THOP1: variants seen among roughly 807,000 people sequenced by gnomAD.
The protein encoded by THOP1 is thimet oligopeptidase 1, also known as thimet oligopeptidase.
In THOP1, 49 loss-of-function variants were observed where a neutral mutation model predicts 71.8. The observed-to-expected ratio is 0.68, with a 90% CI of 0.54 to 0.87. The LOEUF (loss-of-function observed/expected upper bound fraction) is 0.87, where lower values mean the gene tolerates loss of function less well. Among genes scored for constraint, THOP1 ranks in the 40% least tolerant of loss-of-function variants. The pLI, the probability that THOP1 is intolerant of heterozygous loss-of-function variation, is 0.00. For synonymous variants in THOP1, 426 were observed against 421.5 expected (o/e 1.01, Z -0.13); for missense variants, 843 against 975.6 (o/e 0.86, Z 1.81).
chr19:2,798,429 G>A, intron 4 of THOP1, among the ~76,000 whole-genome samples: 1 of 152,220 alleles, frequency 6.6e-6, no homozygotes, highest in Non-Finnish European at 1.5e-5. Flanking sequence ...CAAGCAAGGA[G>A]GGAGCAGAGG....
At chr19:2,786,665 C>T (rs1568317089) in intron 1 of THOP1, among the ~76,000 whole-genome samples, 1 of 152,040 alleles carries the variant, frequency 6.6e-6, no homozygotes, top group Non-Finnish European at 1.5e-5. Context: ...AATCTCTGCT[C>T]ACACAGGCTC....
chr19:2,808,231 C>A lies in THOP1; in HGVS notation c.1254-12C>A. ...TAGTCCCTGCGGGGCCTGACGCTGC[C>A]TCCCTCCCCAGGGAAGGAAAGTACG... On this transcript the variant is annotated splice_polypyrimidine_tract_variant and intron_variant, in intron 8 of 12. Transcript: ENST00000307741. The A allele has an allele frequency of 6.5e-7, 1 of 1,545,800 alleles. No homozygotes were observed. The highest frequency in any genetic ancestry group is 8.7e-7 in the Non-Finnish European group (1 of 1,143,562).
chr19:2,812,339 G>T (rs763192601), intron 12 of THOP1: 2 of 1,533,678 alleles, frequency 1.3e-6, no homozygotes, highest in Non-Finnish European at 1.7e-6. Flanking sequence ...GCCCTGCCCT[G>T]CCTGGGTGCA....
Position 2,795,932 on chromosome 19 carries a change from G to C in THOP1, c.379-149G>C, listed in dbSNP as rs557397787. The C allele has an allele frequency of 6.7e-4, 404 of 601,762 alleles. 2 individuals carry two copies. The highest frequency in any genetic ancestry group is 6.6e-3 in the South Asian group (349 of 52,634). 37.3% of individuals were successfully genotyped at this position (601,762 alleles called of 1,614,324 possible). On this transcript the variant is annotated intron_variant, in intron 3 of 12. Transcript: ENST00000307741. The stretch of plus-strand genomic sequence containing the variant: ...TTTGCACAGGTTTTATGTAGAGACA[G>C]GTCGTCATTTCTCTGAGATAAATGC...
Position 2,786,765 on chromosome 19 carries a change from A to ATTTTTTTTTTTTTTTTT in THOP1, c.16+1102_16+1103insTTTTTTTTTTTTTTTTT, listed in dbSNP as rs550767741. 2.9e-4 allele frequency among the ~76,000 whole-genome samples: 29 copies of ATTTTTTTTTTTTTTTTT among 101,184 alleles called. 4 individuals are homozygous for ATTTTTTTTTTTTTTTTT. The highest frequency in any genetic ancestry group is 9.9e-4 in the African/African-American group (19 of 19,154). 66.4% of individuals were successfully genotyped at this position (101,184 alleles called of 152,430 possible). ...AGGCGCCCACCACCACACCTGGCTA[A>ATTTTTTTTTTTTTTTTT]TTTTTTTTTTTTTTTGGAGATAGAG... On this transcript the variant is annotated intron_variant, in intron 1 of 12. Transcript: ENST00000307741.
intron 9 of THOP1, chr19:2,810,000 C>G (rs1916414558): frequency 4.4e-6 from 2 of 454,168 alleles, no homozygotes; most frequent in Non-Finnish European, 7.9e-6. Context: ...CAGGTCCCAA[C>G]CCCTCGGGGT....
chr19:2,808,406 C>T lies in THOP1; in HGVS notation c.1417C>T (p.His473Tyr), dbSNP rs145132932. ...LQHDEVETYF[H>Y]EFGHVMHQLC... ...GCATGACGAGGTGGAGACCTACTTC[C>T]ATGAGTTTGGCCACGTGATGCACCA... The change falls in exon 9 of 13, where the codon CAT (histidine) becomes TAT (tyrosine). Residue 473 changes from histidine to tyrosine, a missense_variant. Transcript: ENST00000307741. The T allele has an allele frequency of 6.2e-7, 1 of 1,610,274 alleles. No homozygotes were observed. The highest frequency in any genetic ancestry group is 1.1e-5 in the South Asian group (1 of 90,952).
intron 4 of THOP1, 130 bp downstream of exon 4, chr19:2,796,318 G>GGGGAGTGCTCGGCTCA (rs1916012805): frequency 2.8e-6 from 2 of 710,112 alleles, no homozygotes; most frequent in East Asian, 5.6e-5. Context: ...TGCTGGGCTC[G>GGGGAGTGCTCGGCTCA]GGGAGTGCTC....
At chr19:2,795,878 G>C (rs957616539) in intron 3 of THOP1, 12 of 493,992 alleles carry the variant, frequency 2.4e-5, no homozygotes, top group South Asian at 1.6e-4. Flanking sequence ...ACTGATGTCA[G>C]TGTGGGGCTC....
At chr19:2,787,276 C>T (rs1418644165) in intron 1 of THOP1, among the ~76,000 whole-genome samples, 1 of 152,178 alleles carries the variant, frequency 6.6e-6, no homozygotes, top group African/African-American at 2.4e-5. Context: ...CAGCCACACT[C>T]CCCCAGCTCT....
chr19:2,795,299 T>G (rs1429154759), intron 3 of THOP1, among the ~76,000 whole-genome samples: 1 of 152,242 alleles, frequency 6.6e-6, no homozygotes, highest in African/African-American at 2.4e-5. Flanking sequence ...GCCATCCTAG[T>G]GTGACCCAAA....
chr19:2,791,025 C>T (rs1427387401), intron 2 of THOP1, among the ~76,000 whole-genome samples: 2 of 152,236 alleles, frequency 1.3e-5, no homozygotes, highest in Non-Finnish European at 2.9e-5. Context: ...CCCCGTCTGG[C>T]CTCTTTCCCT....
rs770937761 is a variant in THOP1, at chr19:2,785,660, G to T, written c.-3G>T. On this transcript the variant is annotated 5_prime_UTR_variant, in exon 1 of 13. Transcript: ENST00000307741. ...GGGAGCCGCAGGCGCAGACCCACCC[G>T]CCATGAAGCCCCCCGCAGGTACCGA... 1.7e-5 allele frequency: 26 copies of T among 1,495,136 alleles called. No individual in the cohort carries two copies. Among genetic ancestry groups the T allele is most frequent in the Non-Finnish European group, 2.3e-5 (26 of 1,120,216 alleles). 92.6% of individuals were successfully genotyped at this position (1,495,136 alleles called of 1,614,324 possible).
At chr19:2,797,227 T>A (rs768898695) in intron 4 of THOP1, among the ~76,000 whole-genome samples, 4 of 151,874 alleles carry the variant, frequency 2.6e-5, no homozygotes, top group Non-Finnish European at 5.9e-5. Context: ...GGCCCTAGGG[T>A]AATGGGGGCC....
At chr19:2,810,078 T>G in intron 9 of THOP1, 1 of 570,224 alleles carries the variant, frequency 1.8e-6, no homozygotes, top group Non-Finnish European at 3.1e-6. Flanking sequence ...AGGGACGGGG[T>G]CATGTGGCCG....
intron 5 of THOP1, among the ~76,000 whole-genome samples, chr19:2,802,090 A>G (rs1916157564): frequency 6.7e-6 from 1 of 150,008 alleles, no homozygotes; most frequent in Non-Finnish European, 1.5e-5. Context: ...ACATCTCCCA[A>G]TACTGCTACC....
intron 1 of THOP1, among the ~76,000 whole-genome samples, chr19:2,789,094 A>G (rs1027865326): frequency 6.6e-5 from 10 of 152,164 alleles, no homozygotes; most frequent in African/African-American, 2.4e-4. Flanking sequence ...CCTGGAACTG[A>G]AGATGATTTT....
Position 2,797,301 on chromosome 19 carries a change from C to T in THOP1, c.486+1113C>T, listed in dbSNP as rs747779786. Among the ~76,000 whole-genome samples, 43 of 152,168 alleles carry T rather than the reference C, an allele frequency of 2.8e-4. 1 individual carries two copies. The highest frequency in any genetic ancestry group is 1.8e-3 in the Admixed American group (27 of 15,288). On this transcript the variant is annotated intron_variant, in intron 4 of 12. Transcript: ENST00000307741. The stretch of plus-strand genomic sequence containing the variant: ...TTGATTTGCACGTGAAAGATGTTTG[C>T]AGGCGAGCTGTTGGCTGTCTCTGGG...
At chr19:2,799,661 T>C in intron 4 of THOP1, 28 bp from the exon 5 acceptor site, 1 of 1,349,112 alleles carries the variant, frequency 7.4e-7, no homozygotes, top group Non-Finnish European at 1.0e-6. Context: ...GGTCTCTCCC[T>C]CCCCTCACGC....
Sources: gnomAD v4.1 joint callset for allele counts (sites outside exome capture counted in the v4.1 genomes callset) on GRCh38, gnomAD v4.1.1 for gene constraint, MANE v1.5 for transcripts, NCBI Gene and HGNC (gene_info 2026-07-23, HGNC 2026-07-21) for gene names.